ADAMTS16: variants seen among roughly 807,000 people sequenced by gnomAD.
ADAMTS16 encodes ADAM metallopeptidase with thrombospondin type 1 motif 16.
ADAMTS16 carries 94 observed loss-of-function variants against 145.8 expected under a neutral mutation model. The ratio of observed to expected loss-of-function variants is 0.64; its 90% CI spans 0.55 to 0.77. ADAMTS16 has a LOEUF of 0.77. Among genes scored for constraint, ADAMTS16 ranks in the 30% least tolerant of loss-of-function variants. ADAMTS16 has a pLI of 0.00. For synonymous variants in ADAMTS16, 659 were observed against 604.3 expected, an observed-to-expected ratio of 1.09 and a Z score of -1.33; for missense variants, 1,585 against 1,591.5, an observed-to-expected ratio of 1.00 and a Z score of 0.07.
chr5:5,256,684 T>C (rs1309048067), intron 17 of ADAMTS16, among the ~76,000 whole-genome samples: 1 of 152,204 alleles, frequency 6.6e-6, no homozygotes, highest in Non-Finnish European at 1.5e-5. Flanking sequence ...CTTATTTGCT[T>C]AGTTAAGAGA....
intron 11 of ADAMTS16, among the ~76,000 whole-genome samples, chr5:5,229,313 A>AAAG (rs1302837786): frequency 1.3e-5 from 2 of 151,594 alleles, no homozygotes; most frequent in Admixed American, 6.6e-5. Context: ...TCAAAAAAAA[A>AAAG]AAAAAAAAAA....
At chr5:5,253,731 C>T (rs1414560632) in intron 17 of ADAMTS16, among the ~76,000 whole-genome samples, 1 of 152,170 alleles carries the variant, frequency 6.6e-6, no homozygotes, top group Admixed American at 6.5e-5. Context: ...CCAATCCAGA[C>T]CCCACCTGGT....
At position 5,303,143 on chromosome 5, in the gene ADAMTS16, G is replaced by T. The variant is rs1449939033; in HGVS notation, c.2790-125G>T. The T allele has an allele frequency of 7.4e-6, 8 of 1,078,924 alleles. No individual in the cohort carries two copies. The Middle Eastern group carries it at 9.4e-4, about 127-fold the overall frequency. The allele number at this position is 1,078,924 out of a possible 1,614,324, so 66.8% of individuals were successfully genotyped here. On this transcript the variant is annotated intron_variant, in intron 18 of 22. Coordinates refer to ENST00000274181, the MANE Select transcript of ADAMTS16 (RefSeq NM_139056.4). The stretch of plus-strand genomic sequence containing the variant: ...ATGCTCACCCAGGAAAGGTGGAACT[G>T]AAAATAACGGCACACACACGACCGT...
At chr5:5,291,109 G>A (rs1739294517) in intron 18 of ADAMTS16, among the ~76,000 whole-genome samples, 1 of 151,970 alleles carries the variant, frequency 6.6e-6, no homozygotes, top group African/African-American at 2.4e-5. Context: ...ATAGTTCCAT[G>A]TGATGACCAT....
chr5:5,192,054 G>A (rs776144061), intron 8 of ADAMTS16, among the ~76,000 whole-genome samples: 67 of 152,150 alleles, frequency 4.4e-4, no homozygotes, highest in Non-Finnish European at 8.2e-4. Context: ...CATGACCTCA[G>A]CTCACTGCAA....
chr5:5,309,632 T>C (rs1215701219), intron 21 of ADAMTS16, among the ~76,000 whole-genome samples: 2 of 152,348 alleles, frequency 1.3e-5, no homozygotes, highest in East Asian at 3.9e-4. Context: ...TGTGCGTGGA[T>C]ACTGTGCATC....
chr5:5,157,676 G>T (rs1359875138), intron 3 of ADAMTS16, among the ~76,000 whole-genome samples: 7 of 152,166 alleles, frequency 4.6e-5, no homozygotes, highest in Non-Finnish European at 8.8e-5. Context: ...AGAAGTAATT[G>T]TCTCAATAAC....
At chr5:5,157,940 G>C (rs1734641852) in intron 3 of ADAMTS16, among the ~76,000 whole-genome samples, 1 of 152,146 alleles carries the variant, frequency 6.6e-6, no homozygotes, top group South Asian at 2.1e-4. Flanking sequence ...CCAAAATAAA[G>C]AAATTCCCCG....
At chr5:5,284,156 A>G (rs192323417) in intron 18 of ADAMTS16, among the ~76,000 whole-genome samples, 7 of 152,296 alleles carry the variant, frequency 4.6e-5, no homozygotes, top group Admixed American at 4.6e-4. Flanking sequence ...TTGCCTCTAC[A>G]ATTTAAAATC....
At position 5,140,778 on chromosome 5, in the gene ADAMTS16, A is replaced by T. The variant is rs952206722; in HGVS notation, c.175+12A>T. 13 of 1,545,448 alleles carry T rather than the reference A, an allele frequency of 8.4e-6. No homozygotes were observed. Among genetic ancestry groups the T allele is most frequent in the Non-Finnish European group, 1.0e-5 (12 of 1,145,062 alleles). Reference sequence around the variant, plus strand: ...GATGGAAAAGGGCGGTAAGTCCGTGAGGTGGGGGCTTCTAATCCTTGCCAT... The same window carrying T: ...GATGGAAAAGGGCGGTAAGTCCGTGTGGTGGGGGCTTCTAATCCTTGCCAT... On this transcript the variant is annotated intron_variant, in intron 2 of 22. Transcript: ENST00000274181.
At chr5:5,207,595 G>A (rs1019664321) in intron 9 of ADAMTS16, among the ~76,000 whole-genome samples, 11 of 152,194 alleles carry the variant, frequency 7.2e-5, no homozygotes, top group African/African-American at 2.2e-4. Flanking sequence ...GGTAAGAGGA[G>A]TCATTCTTAT....
chr5:5,258,343 GC>G lies in ADAMTS16; in HGVS notation c.2663-4311del, dbSNP rs540616509. On this transcript the variant is annotated intron_variant, in intron 17 of 22. Transcript: ENST00000274181. ...GAAATCAATGGTGGCTTCTAAGACT[GC>G]CCAGAGCAGACTTACACTTCTCAAA... Among the ~76,000 whole-genome samples the G allele has an allele frequency of 5.0e-3, 768 of 152,306 alleles. 6 individuals carry two copies. The highest frequency in any genetic ancestry group is 5.0e-3 in the Non-Finnish European group (339 of 68,018).
At chr5:5,277,593 A>G (rs1431565606) in intron 18 of ADAMTS16, among the ~76,000 whole-genome samples, 1 of 152,222 alleles carries the variant, frequency 6.6e-6, no homozygotes, top group Non-Finnish European at 1.5e-5. Context: ...ACATTGTCCC[A>G]GAGTCTGATT....
chr5:5,263,802 G>T (rs534263619), intron 18 of ADAMTS16, among the ~76,000 whole-genome samples: 1 of 152,182 alleles, frequency 6.6e-6, no homozygotes, highest in Non-Finnish European at 1.5e-5. Flanking sequence ...ACCCTGTAGT[G>T]GGGGGCAGCT....
chr5:5,209,502 G>C (rs560784050), intron 10 of ADAMTS16, among the ~76,000 whole-genome samples: 1 of 152,156 alleles, frequency 6.6e-6, no homozygotes, highest in South Asian at 2.1e-4. Context: ...CTGATTTATC[G>C]TGTGGGAGCT....
In ADAMTS16 at chr5:5,319,085, C is replaced by T. The variant is rs931637654; in HGVS notation, c.3622C>T (p.His1208Tyr). ...GGTACCCCAGCACGGGATGTGCAGC[C>T]ACAAGTTCTACGGCAAGCAGTGCTG... is the stretch of plus-strand genomic sequence containing the variant. Reference protein sequence around the residue: ...YLVPQHGMCSHKFYGKQCCKT... With the variant: ...YLVPQHGMCSYKFYGKQCCKT... Residue 1208 changes from histidine (H) to tyrosine (Y), a missense_variant, in exon 23 of 23, where the codon CAC becomes TAC. Physicochemically the swap from His to Tyr is moderately conservative, Grantham distance 83. Transcript: ENST00000274181. 6.2e-7 allele frequency: 1 copy of T among 1,613,486 alleles called. No homozygotes were observed. The highest frequency in any genetic ancestry group is 1.7e-5 in the Admixed American group (1 of 59,960).
intron 2 of ADAMTS16, among the ~76,000 whole-genome samples, chr5:5,144,722 T>C (rs1734249023): frequency 6.6e-6 from 1 of 152,208 alleles, no homozygotes; most frequent in South Asian, 2.1e-4. Context: ...TTTTTGTTAA[T>C]GCGATTGATT....
At chr5:5,305,593 G>A (rs377134881) in intron 20 of ADAMTS16, among the ~76,000 whole-genome samples, 2 of 152,076 alleles carry the variant, frequency 1.3e-5, no homozygotes, top group South Asian at 2.1e-4. Context: ...CTGGATCAGC[G>A]AGCAACCAAG....
intron 10 of ADAMTS16, among the ~76,000 whole-genome samples, chr5:5,213,923 C>T (rs571330316): frequency 1.3e-5 from 2 of 152,272 alleles, no homozygotes; most frequent in East Asian, 1.9e-4. Context: ...CACCTGGGGC[C>T]CCCAGCCCAA....
Sources: allele counts gnomAD v4.1 joint callset (sites outside exome capture counted in the v4.1 genomes callset), GRCh38; gene constraint gnomAD v4.1.1; transcripts MANE v1.5; gene names NCBI Gene and HGNC (gene_info 2026-07-23, HGNC 2026-07-21).